The following MAGI2 variants were observed in gnomAD, a reference collection of about 807,000 sequenced individuals.
MAGI2 encodes the protein membrane associated guanylate kinase, WW and PDZ domain containing 2.
A neutral mutation model predicts 133.3 loss-of-function variants in MAGI2; 35 were observed. That is an observed-to-expected ratio of 0.26 (90% CI 0.20 to 0.35). The LOEUF is 0.35. Among genes scored for constraint, MAGI2 ranks in the 10% least tolerant of loss-of-function variants. The pLI is 1.00. For synonymous variants in MAGI2, 729 were observed against 710.6 expected, an observed-to-expected ratio of 1.03 and a Z score of -0.41; for missense variants, 1,636 against 1,863.4, an observed-to-expected ratio of 0.88 and a Z score of 2.25.
intron 3 of MAGI2, among the ~76,000 whole-genome samples, chr7:78,623,965 A>G (rs887160174): frequency 1.3e-5 from 2 of 152,066 alleles, no homozygotes; most frequent in African/African-American, 4.8e-5. Context: ...TATCAATTGT[A>G]TAAAAGTACA....
At chr7:78,463,186 T>C (rs770246511) in intron 6 of MAGI2, among the ~76,000 whole-genome samples, 37 of 152,326 alleles carry the variant, frequency 2.4e-4, no homozygotes, top group Middle Eastern at 3.4e-3. Flanking sequence ...ATGTGCCTGC[T>C]GAGAAGGGCT....
At chr7:78,867,529 T>C (rs62467691) in intron 2 of MAGI2, among the ~76,000 whole-genome samples, 30,495 of 121,358 alleles carry the variant, frequency 0.25, 3,716 homozygotes, top group South Asian at 0.48. Flanking sequence ...CATCACACTC[T>C]GGGGACTGCT....
chr7:79,168,933 T>A (rs73704258), intron 1 of MAGI2, among the ~76,000 whole-genome samples: 18 of 133,122 alleles, frequency 1.4e-4, no homozygotes, highest in African/African-American at 3.2e-4. Flanking sequence ...TATATATATA[T>A]AAATTTTTTT....
chr7:78,843,036 A>C (rs1035054108), intron 2 of MAGI2, among the ~76,000 whole-genome samples: 1 of 151,952 alleles, frequency 6.6e-6, no homozygotes, highest in Non-Finnish European at 1.5e-5. Context: ...TTGATGGTTT[A>C]AAATAGGCAA....
intron 1 of MAGI2, among the ~76,000 whole-genome samples, chr7:79,172,412 G>C (rs1825703450): frequency 6.6e-6 from 1 of 151,972 alleles, no homozygotes; most frequent in Non-Finnish European, 1.5e-5. Flanking sequence ...GACAAATTCA[G>C]ACAAAAGATT....
intron 2 of MAGI2, among the ~76,000 whole-genome samples, chr7:78,835,856 T>A (rs1477262404): frequency 4.6e-5 from 7 of 152,178 alleles, no homozygotes; most frequent in Non-Finnish European, 7.4e-5. Context: ...GAGGAAAGCA[T>A]AGTTATGTTT....
intron 1 of MAGI2, among the ~76,000 whole-genome samples, chr7:79,229,951 C>T (rs1451983981): frequency 4.4e-5 from 5 of 112,410 alleles, no homozygotes; most frequent in Admixed American, 2.3e-4. Flanking sequence ...CCCCTCCCCC[C>T]ACCCTCACAG....
chr7:78,573,345 TAGAGAGAGAGAATCCTGG>T (rs1801899134), intron 3 of MAGI2, among the ~76,000 whole-genome samples: 1 of 65,148 alleles, frequency 1.5e-5, no homozygotes, highest in African/African-American at 7.7e-5. Flanking sequence ...TATATATATA[TAGAGAGAGAGAATCCTGG>T]AAATATATAT....
intron 10 of MAGI2, among the ~76,000 whole-genome samples, chr7:78,229,487 T>A (rs546409843): frequency 6.6e-6 from 1 of 152,274 alleles, no homozygotes; most frequent in Non-Finnish European, 1.5e-5. Flanking sequence ...AGAAACCACA[T>A]ACTGGGCTCT....
chr7:78,481,232 C>T (rs1002697248), intron 6 of MAGI2, among the ~76,000 whole-genome samples: 2 of 151,928 alleles, frequency 1.3e-5, no homozygotes, highest in African/African-American at 4.8e-5. Flanking sequence ...CACAGTTGTA[C>T]ATGGCTGAGG....
At chr7:78,317,339 T>C (rs942761394) in intron 9 of MAGI2, among the ~76,000 whole-genome samples, 4 of 152,232 alleles carry the variant, frequency 2.6e-5, no homozygotes, top group Non-Finnish European at 4.4e-5. Context: ...AGAATATGGA[T>C]GATTAAATAC....
intron 20 of MAGI2, among the ~76,000 whole-genome samples, chr7:78,101,548 A>C (rs1012576895): frequency 6.6e-6 from 1 of 152,314 alleles, no homozygotes; most frequent in East Asian, 1.9e-4. Flanking sequence ...CACATAAATC[A>C]ACTCAAAATG....
chr7:78,992,130 A>C (rs1470639901), intron 2 of MAGI2, among the ~76,000 whole-genome samples: 1 of 152,108 alleles, frequency 6.6e-6, no homozygotes, highest in African/African-American at 2.4e-5. Flanking sequence ...GTTTTGTAAC[A>C]ATTAAGCATT....
At chr7:79,135,999 GAAA>G (rs1562928738) in intron 1 of MAGI2, among the ~76,000 whole-genome samples, 1 of 28,888 alleles carries the variant, frequency 3.5e-5, no homozygotes, top group African/African-American at 7.0e-5. Context: ...AAGAAAGAAA[GAAA>G]GAGAAAGAAA....
At chr7:78,522,579 C>T (rs1283394802) in intron 3 of MAGI2, among the ~76,000 whole-genome samples, 1 of 152,036 alleles carries the variant, frequency 6.6e-6, no homozygotes, top group African/African-American at 2.4e-5. Context: ...AGGGTTTTGC[C>T]ATGTTGCCCA....
rs180962301 is a variant in MAGI2, at chr7:79,222,946, G to A, written c.302-215740C>T. Among the ~76,000 whole-genome samples the A allele has an allele frequency of 4.5e-3, 679 of 152,020 alleles. 3 individuals carry two copies. Among genetic ancestry groups the A allele is most frequent in the Non-Finnish European group, 5.8e-3 (394 of 67,982 alleles). On this transcript the variant is annotated intron_variant, in intron 1 of 21. Transcript: ENST00000354212. ...GTCGCCCAGGCTGGAGTGCAGTGGC[G>A]CTGTCTCGGCTCACTGCAAGCTCCG...
intron 2 of MAGI2, among the ~76,000 whole-genome samples, chr7:78,921,627 AAC>A (rs1241316960): frequency 1.3e-5 from 2 of 150,962 alleles, no homozygotes; most frequent in Non-Finnish European, 2.9e-5. Context: ...ATCACTTTTC[AAC>A]AGTTTTTTTT....
intron 20 of MAGI2, among the ~76,000 whole-genome samples, chr7:78,096,377 G>A (rs1340690709): frequency 6.6e-6 from 1 of 152,142 alleles, no homozygotes; most frequent in Non-Finnish European, 1.5e-5. Flanking sequence ...TAAGGTTGTT[G>A]AGAAGATCAT....
At chr7:78,669,940 C>T (rs1267236030) in intron 2 of MAGI2, among the ~76,000 whole-genome samples, 2 of 151,546 alleles carry the variant, frequency 1.3e-5, no homozygotes, top group Non-Finnish European at 2.9e-5. Context: ...TAAGAGCTAT[C>T]TATGACAAAC....
Sources: allele counts gnomAD v4.1 joint callset (sites outside exome capture counted in the v4.1 genomes callset), GRCh38; gene constraint gnomAD v4.1.1; transcripts MANE v1.5; gene names NCBI Gene and HGNC (gene_info 2026-07-23, HGNC 2026-07-21).